Variants in LRRC1 observed in about 807,000 individuals in gnomAD.
LRRC1 encodes leucine rich repeat containing 1, also known as leucine-rich repeat-containing protein 1.
Under a neutral mutation model 69.9 loss-of-function variants are expected in LRRC1, and 28 were observed. The observed-to-expected ratio is 0.40, with a 90% CI of 0.30 to 0.55. The LOEUF (loss-of-function observed/expected upper bound fraction) is 0.55. LRRC1 is among the 20% of genes least tolerant of loss of function. LRRC1 has a pLI of 0.47. For synonymous variants in LRRC1, 236 were observed against 240.2 expected, an observed-to-expected ratio of 0.98 and a Z score of 0.16; for missense variants, 498 against 609.0, an observed-to-expected ratio of 0.82 and a Z score of 1.92.
intron 1 of LRRC1, among the ~76,000 whole-genome samples, chr6:53,813,543 T>TTG (rs1297809242): frequency 6.9e-6 from 1 of 145,310 alleles, no homozygotes; most frequent in African/African-American, 2.8e-5. Flanking sequence ...GTGGTTTTTT[T>TTG]TTTTTTCTTT....
At chr6:53,889,207 A>G (rs1454713044) in intron 4 of LRRC1, among the ~76,000 whole-genome samples, 13 of 152,130 alleles carry the variant, frequency 8.5e-5, no homozygotes, top group Admixed American at 8.5e-4. Context: ...AAATGCTAAC[A>G]AGTGTTGTTC....
At chr6:53,860,714 C>G (rs1410450395) in intron 2 of LRRC1, among the ~76,000 whole-genome samples, 1 of 152,202 alleles carries the variant, frequency 6.6e-6, no homozygotes, top group Non-Finnish European at 1.5e-5. Flanking sequence ...TTTCCCTTGT[C>G]ACATTGCTAT....
chr6:53,804,311 C>T (rs996414617), intron 1 of LRRC1, among the ~76,000 whole-genome samples: 12 of 152,196 alleles, frequency 7.9e-5, no homozygotes, highest in Admixed American at 6.5e-4. Context: ...TGTTTTGATA[C>T]ATGTGTACAT....
rs73430280 is a variant in LRRC1, at chr6:53,855,184, C to G, written c.277+12957C>G. On this transcript the variant is annotated intron_variant, in intron 2 of 13. Transcript: ENST00000370888. ...AAATGTGCAGCTTTTAAAAGATACT[C>G]TGAAGCAATCAGCCTGTATTTATGT... Among the ~76,000 whole-genome samples, 550 of 152,324 alleles carry G rather than the reference C, an allele frequency of 3.6e-3. 4 individuals are homozygous for G. The highest frequency in any genetic ancestry group is 0.013 in the African/African-American group (533 of 41,564).
At chr6:53,825,889 T>G in intron 1 of LRRC1, among the ~76,000 whole-genome samples, 1 of 152,108 alleles carries the variant, frequency 6.6e-6, no homozygotes, top group East Asian at 1.9e-4. Context: ...TTTTATTGCC[T>G]TCTTTTTCTA....
chr6:53,884,172 A>G (rs1429274629), intron 4 of LRRC1: 5 of 592,140 alleles, frequency 8.4e-6, no homozygotes, highest in Non-Finnish European at 1.5e-5. Context: ...TGCATGTACA[A>G]TTCACTTTTG....
At chr6:53,882,674 A>G (rs1767337543) in intron 3 of LRRC1, among the ~76,000 whole-genome samples, 1 of 152,178 alleles carries the variant, frequency 6.6e-6, no homozygotes, top group African/African-American at 2.4e-5. Flanking sequence ...TGTGTTTATC[A>G]TGCCCCTGTA....
At position 53,810,487 on chromosome 6, in the gene LRRC1, G is replaced by A. The variant is rs1481849538; in HGVS notation, c.159+15072G>A. Among the ~76,000 whole-genome samples, 14 of 152,044 alleles carry A rather than the reference G, an allele frequency of 9.2e-5. 1 individual carries two copies. The highest frequency in any genetic ancestry group is 3.9e-4 in the Admixed American group (6 of 15,262). On this transcript the variant is annotated intron_variant, in intron 1 of 13. Transcript: ENST00000370888. ...TACAAAAAATTAGCCGGGCGTGGTCGTGGGCACCTGTAGTCCCAGCTACTT... is the reference window on the plus strand; with the variant it reads ...TACAAAAAATTAGCCGGGCGTGGTCATGGGCACCTGTAGTCCCAGCTACTT...
At chr6:53,899,074 T>C (rs1398109659) in intron 7 of LRRC1, among the ~76,000 whole-genome samples, 1 of 151,946 alleles carries the variant, frequency 6.6e-6, no homozygotes, top group South Asian at 2.1e-4. Flanking sequence ...TATTGGGAAG[T>C]GGAATGGAAA....
intron 2 of LRRC1, among the ~76,000 whole-genome samples, chr6:53,878,508 T>C (rs1025825103): frequency 1.3e-5 from 2 of 152,144 alleles, no homozygotes; most frequent in Admixed American, 6.5e-5. Context: ...ACAACCTAGA[T>C]CCCTCGCATG....
At chr6:53,815,450 G>T (rs879606368) in intron 1 of LRRC1, among the ~76,000 whole-genome samples, 7 of 60,014 alleles carry the variant, frequency 1.2e-4, no homozygotes, top group Non-Finnish European at 2.7e-4. Context: ...CTTTTCTCTT[G>T]TTCTCTTTTC....
chr6:53,836,895 C>G (rs369777991), intron 1 of LRRC1, among the ~76,000 whole-genome samples: 2 of 152,158 alleles, frequency 1.3e-5, no homozygotes, highest in African/African-American at 4.8e-5. Flanking sequence ...TTTGCTTATC[C>G]TTTTGGGTTT....
At chr6:53,845,494 T>C (rs979839389) in intron 2 of LRRC1, among the ~76,000 whole-genome samples, 3 of 152,158 alleles carry the variant, frequency 2.0e-5, no homozygotes, top group African/African-American at 4.8e-5. Flanking sequence ...TGGAGGCCTG[T>C]GTGGGCCTCT....
intron 1 of LRRC1, among the ~76,000 whole-genome samples, chr6:53,813,260 G>A (rs1764848708): frequency 6.6e-6 from 1 of 152,182 alleles, no homozygotes; most frequent in African/African-American, 2.4e-5. Flanking sequence ...GTGTGACTCA[G>A]GAGTGGACTG....
At chr6:53,883,603 T>A (rs1413299962) in intron 4 of LRRC1, among the ~76,000 whole-genome samples, 1 of 152,234 alleles carries the variant, frequency 6.6e-6, no homozygotes, top group East Asian at 1.9e-4. Context: ...TGTTATACAT[T>A]CCCACAGACG....
At chr6:53,881,065 CTGTTT>C (rs1182886762) in intron 3 of LRRC1, among the ~76,000 whole-genome samples, 1 of 152,154 alleles carries the variant, frequency 6.6e-6, no homozygotes, top group Non-Finnish European at 1.5e-5. Context: ...TGAGGCTTTA[CTGTTT>C]TGTTTGTTTG....
At chr6:53,903,633 G>A (rs1361277099) in intron 9 of LRRC1, among the ~76,000 whole-genome samples, 1 of 151,588 alleles carries the variant, frequency 6.6e-6, no homozygotes, top group Non-Finnish European at 1.5e-5. Context: ...ATGTTCTTTA[G>A]GTGGAAAGAG....
intron 2 of LRRC1, among the ~76,000 whole-genome samples, chr6:53,853,564 T>C (rs6935838): frequency 0.37 from 56,508 of 152,034 alleles, 10,975 homozygotes; most frequent in East Asian, 0.64. Flanking sequence ...GGATTACAGG[T>C]GTGAGCCACT....
intron 2 of LRRC1, among the ~76,000 whole-genome samples, chr6:53,851,933 G>A (rs562693737): frequency 1.7e-3 from 262 of 152,300 alleles, no homozygotes; most frequent in African/African-American, 5.9e-3. Context: ...AAGTGTTTGC[G>A]ACTTTTTTAT....
Sources: allele counts gnomAD v4.1 joint callset (sites outside exome capture counted in the v4.1 genomes callset), GRCh38; gene constraint gnomAD v4.1.1; transcripts MANE v1.5; gene names NCBI Gene and HGNC (gene_info 2026-07-23, HGNC 2026-07-21).